Variants in HPSE2 observed in about 807,000 individuals in gnomAD.
HPSE2 encodes heparanase 2 (inactive), also known as inactive heparanase-2.
A neutral mutation model predicts 60.5 loss-of-function variants in HPSE2; 38 were observed. That is an observed-to-expected ratio of 0.63 (90% CI 0.48 to 0.82). HPSE2 has a LOEUF of 0.82. Among genes scored for constraint, HPSE2 ranks in the 40% least tolerant of loss-of-function variants. HPSE2 has a pLI of 0.00. For synonymous variants in HPSE2, 295 were observed against 293.2 expected (o/e 1.01, Z -0.06); for missense variants, 713 against 740.4 (o/e 0.96, Z 0.43).
chr10:98,725,566 G>T (rs1402548032), intron 4 of HPSE2, among the ~76,000 whole-genome samples: 1 of 152,088 alleles, frequency 6.6e-6, no homozygotes, highest in Non-Finnish European at 1.5e-5. Flanking sequence ...TACCATTCAG[G>T]ACATAGGCAT....
intron 3 of HPSE2, among the ~76,000 whole-genome samples, chr10:98,852,498 C>T (rs1403125692): frequency 6.6e-6 from 1 of 152,112 alleles, no homozygotes; most frequent in Non-Finnish European, 1.5e-5. Context: ...CATCACTGTA[C>T]CTGGCTTAAG....
chr10:98,754,282 G>C lies in HPSE2; in HGVS notation c.611-10226C>G, dbSNP rs150117350. ...CTCAGAGCTCGAAGGCTAGTTCTTTGAATCAAGTCAATCAGACAAACATAG... is the reference window on the plus strand; with the variant it reads ...CTCAGAGCTCGAAGGCTAGTTCTTTCAATCAAGTCAATCAGACAAACATAG... On this transcript the variant is annotated intron_variant, in intron 3 of 11. Transcript: ENST00000370552. Among the ~76,000 whole-genome samples, 546 of 152,194 alleles carry C rather than the reference G, an allele frequency of 3.6e-3. 1 individual carries two copies. Among genetic ancestry groups the C allele is most frequent in the African/African-American group, 0.013 (519 of 41,518 alleles).
At chr10:98,587,550 C>A (rs1268374228) in intron 9 of HPSE2, among the ~76,000 whole-genome samples, 1 of 152,230 alleles carries the variant, frequency 6.6e-6, no homozygotes, top group Non-Finnish European at 1.5e-5. Flanking sequence ...TGTCCTCCCA[C>A]AGCTGTTCCT....
At chr10:99,315,612 G>C in the HPSE2 span, among the ~76,000 whole-genome samples, 1 of 152,164 alleles carries the variant, frequency 6.6e-6, no homozygotes, top group South Asian at 2.1e-4. Context: ...CTGGGCTCGG[G>C]CTACACAAAA....
chr10:99,055,732 C>G (rs567118961), intron 3 of HPSE2, among the ~76,000 whole-genome samples: 1 of 152,098 alleles, frequency 6.6e-6, no homozygotes, highest in South Asian at 2.1e-4. Flanking sequence ...ACCCATGGGT[C>G]AGGGAAGAAA....
chr10:98,525,170 C>T (rs2133785086), intron 9 of HPSE2, among the ~76,000 whole-genome samples: 1 of 152,300 alleles, frequency 6.6e-6, no homozygotes, highest in South Asian at 2.1e-4. Context: ...ACCACCATCC[C>T]CAGCTAATTT....
At chr10:98,913,893 A>T (rs1473327749) in intron 3 of HPSE2, among the ~76,000 whole-genome samples, 2 of 152,210 alleles carry the variant, frequency 1.3e-5, no homozygotes, top group Non-Finnish European at 2.9e-5. Context: ...TGACTGGTGG[A>T]GCTTAAATCC....
At chr10:99,119,380 A>T (rs1166587840) in intron 3 of HPSE2, among the ~76,000 whole-genome samples, 2 of 152,202 alleles carry the variant, frequency 1.3e-5, no homozygotes, top group Non-Finnish European at 2.9e-5. Flanking sequence ...GAATACAGCT[A>T]ATGAGAGAGG....
intron 3 of HPSE2, among the ~76,000 whole-genome samples, chr10:99,005,116 T>C (rs1279763163): frequency 1.3e-5 from 2 of 152,192 alleles, no homozygotes; most frequent in Non-Finnish European, 2.9e-5. Context: ...TTATAATATG[T>C]CTTGGCATAA....
chr10:99,287,660 T>G, the HPSE2 span, among the ~76,000 whole-genome samples: 1 of 152,192 alleles, frequency 6.6e-6, no homozygotes, highest in African/African-American at 2.4e-5. Context: ...CACACCAACT[T>G]CAAACATTTA....
chr10:98,535,287 A>G (rs569416318), intron 9 of HPSE2, among the ~76,000 whole-genome samples: 1 of 152,260 alleles, frequency 6.6e-6, no homozygotes, highest in African/African-American at 2.4e-5. Context: ...ATAAATCAGA[A>G]AACTGCAGTG....
intron 3 of HPSE2, among the ~76,000 whole-genome samples, chr10:98,918,450 C>T (rs936043190): frequency 4.0e-5 from 6 of 151,494 alleles, no homozygotes; most frequent in Non-Finnish European, 5.9e-5. Flanking sequence ...CAATGATAGA[C>T]TGGATTAAGA....
chr10:98,977,441 C>A (rs1240351781), intron 3 of HPSE2, among the ~76,000 whole-genome samples: 3 of 152,138 alleles, frequency 2.0e-5, no homozygotes, highest in African/African-American at 7.2e-5. Flanking sequence ...GGTGGGCAAC[C>A]AGGAACCACA....
chr10:99,272,488 A>T, the HPSE2 span, among the ~76,000 whole-genome samples: 1 of 152,210 alleles, frequency 6.6e-6, no homozygotes, highest in African/African-American at 2.4e-5. Flanking sequence ...GTAAACAGAC[A>T]GCCCACAGAG....
the HPSE2 span, among the ~76,000 whole-genome samples, chr10:99,299,016 G>A: frequency 1.5e-3 from 232 of 152,166 alleles, no homozygotes; most frequent in African/African-American, 5.3e-3. Flanking sequence ...TAACTTAAGG[G>A]CTAGCTGTAG....
chr10:99,061,363 T>G (rs926631430), intron 3 of HPSE2, among the ~76,000 whole-genome samples: 2 of 152,240 alleles, frequency 1.3e-5, no homozygotes, highest in Admixed American at 6.5e-5. Flanking sequence ...TCTCAAAATT[T>G]TCCAAAAGTT....
intron 3 of HPSE2, among the ~76,000 whole-genome samples, chr10:98,904,347 G>A (rs944990887): frequency 6.6e-6 from 1 of 152,132 alleles, no homozygotes; most frequent in East Asian, 1.9e-4. Context: ...ATAATGGTTG[G>A]AAGAGACAAA....
At chr10:99,119,672 A>T (rs974274654) in intron 3 of HPSE2, among the ~76,000 whole-genome samples, 1 of 152,210 alleles carries the variant, frequency 6.6e-6, no homozygotes, top group African/African-American at 2.4e-5. Flanking sequence ...GAGGCATTAC[A>T]TCATACTACC....
chr10:99,255,634 A>G, the HPSE2 span, among the ~76,000 whole-genome samples: 2 of 152,106 alleles, frequency 1.3e-5, no homozygotes, highest in African/African-American at 4.8e-5. Flanking sequence ...GATAAAATCC[A>G]AAATCCATTC....
Sources: allele counts gnomAD v4.1 joint callset (sites outside exome capture counted in the v4.1 genomes callset), GRCh38; gene constraint gnomAD v4.1.1; transcripts MANE v1.5; gene names NCBI Gene and HGNC (gene_info 2026-07-23, HGNC 2026-07-21).